The following NFATC4 variants were observed in gnomAD, a reference collection of about 807,000 sequenced individuals.
NFATC4 encodes nuclear factor of activated T-cells, cytoplasmic 4.
NFATC4 carries 25 observed loss-of-function variants against 73.4 expected under a neutral mutation model. That is an observed-to-expected ratio of 0.34 (90% confidence interval 0.25 to 0.48). The LOEUF (loss-of-function observed/expected upper bound fraction) is 0.48, where lower values mean the gene tolerates loss of function less well. Among genes scored for constraint, NFATC4 ranks in the 20% least tolerant of loss-of-function variants. The probability of loss-of-function intolerance (pLI) is 0.99; values close to 1 mark genes in which losing one functional copy is unlikely to be tolerated. For missense variants in NFATC4, 1,130 were observed against 1,203.7 expected (o/e 0.94, Z 0.91); for synonymous variants, 523 against 510.3 (o/e 1.02, Z -0.34).
chr14:24,367,097 A>T (rs775985909), upstream of NFATC4: 1 of 1,613,772 alleles, frequency 6.2e-7, no homozygotes, highest in East Asian at 2.2e-5. Context: ...CAGCCTCGCC[A>T]GTATCTCCCA....
chr14:24,367,424 C>T, upstream of NFATC4: 5 of 1,535,678 alleles, frequency 3.3e-6, no homozygotes, highest in Non-Finnish European at 4.4e-6. Flanking sequence ...ATTCACGGCC[C>T]CTCTGGGTGG....
chr14:24,368,505 G>A (rs961973262), intron 1 of NFATC4, 65 bp downstream of exon 1: 68 of 1,245,106 alleles, frequency 5.5e-5, no homozygotes, highest in Non-Finnish European at 6.9e-5. Flanking sequence ...CCTGAGTCTG[G>A]GGAATTTAAG....
Position 24,379,402 on chromosome 14 carries a change from G to A in NFATC4, c.*1697G>A, listed in dbSNP as rs919659646. 2.0e-5 allele frequency: 3 copies of A among 152,122 alleles called. No homozygotes were observed. Among genetic ancestry groups the A allele is most frequent in the African/African-American group, 7.2e-5 (3 of 41,388 alleles). 9.4% of individuals were successfully genotyped at this position (152,122 alleles called of 1,614,324 possible). ...ACCACCTCTAAGATCTCTGAGAGAG[G>A]GTGGATCAGCCTCTGTGTAAACAAA... On this transcript the variant is annotated 3_prime_UTR_variant, in exon 10 of 10. Coordinates refer to ENST00000250373, the MANE Select transcript of NFATC4 (RefSeq NM_004554.5).
At position 24,376,868 on chromosome 14, in the gene NFATC4, G is replaced by A. The variant is rs368665121; in HGVS notation, c.2631G>A (p.Thr877=). 6 of 1,564,902 alleles carry A rather than the reference G, an allele frequency of 3.8e-6. No homozygotes were observed. Among genetic ancestry groups the A allele is most frequent in the African/African-American group, 1.4e-5 (1 of 73,308 alleles). Residue 877 remains threonine (T), a synonymous_variant, in exon 9 of 10, where the codon ACG becomes ACA. Coordinates refer to ENST00000250373, the MANE Select transcript of NFATC4 (RefSeq NM_004554.5). The surrounding 1 kb of genome is among the most constrained non-coding windows in gnomAD (Gnocchi z 5.0). ...FRDSVPIQGI[T]LEEVSEIIGR... is the part of the protein sequence containing the mutation. ...ACAGTGTCCCTATCCAGGGTATCAC[G>A]CTGGAGGAAGGTGGGTGTGGGACTG... is the stretch of plus-strand genomic sequence containing the variant.
At chr14:24,369,356 T>C in intron 1 of NFATC4, 143 bp from the exon 2 acceptor site, 1 of 1,599,254 alleles carries the variant, frequency 6.3e-7, no homozygotes, top group Non-Finnish European at 8.5e-7. Context: ...CCAACTCTGC[T>C]TTTGTCTTGT....
chr14:24,372,280 A>C, intron 2 of NFATC4, 161 bp from the exon 3 acceptor site: 2 of 751,228 alleles, frequency 2.7e-6, no homozygotes, highest in South Asian at 2.2e-5. Context: ...GTTTAAAAAA[A>C]ATTCTTTTTT....
Position 24,368,385 on chromosome 14 carries a change from G to C in NFATC4, c.45G>C (p.Leu15=). 3 of 1,365,454 alleles carry C rather than the reference G, an allele frequency of 2.2e-6. No individual in the cohort carries two copies. Among genetic ancestry groups the C allele is most frequent in the Non-Finnish European group, 2.8e-6 (3 of 1,058,702 alleles). 84.6% of individuals were successfully genotyped at this position (1,365,454 alleles called of 1,614,324 possible). ...AGGATGAGGAGCTGGAATTTAAGCT[G>C]GTGTTCGGGGAGGAAAAGGAGGCCC... ...SCEDEELEFK[L]VFGEEKEAPP... The change falls in exon 1 of 10, where the codon CTG becomes CTC. Residue 15 remains leucine, a synonymous_variant. Transcript: ENST00000250373.
At chr14:24,375,382 G>C (rs1052052535) in intron 6 of NFATC4, among the ~76,000 whole-genome samples, 6 of 152,102 alleles carry the variant, frequency 3.9e-5, no homozygotes, top group Non-Finnish European at 7.4e-5. Flanking sequence ...GGGTGGGAGG[G>C]CTCAAGGGTT....
At chr14:24,366,937 T>C, upstream of NFATC4, 1 of 1,544,606 alleles carries the variant, frequency 6.5e-7, no homozygotes, top group East Asian at 2.3e-5. Flanking sequence ...GGGCCGTCGC[T>C]TAACCGTTTA....
intron 2 of NFATC4, among the ~76,000 whole-genome samples, chr14:24,370,892 G>A (rs2042458184): frequency 6.6e-6 from 1 of 152,154 alleles, no homozygotes; most frequent in Non-Finnish European, 1.5e-5. Flanking sequence ...TGTTCCTGTA[G>A]CCTATAGAGT....
At position 24,376,586 on chromosome 14, in the gene NFATC4, T is replaced by A. The variant is rs539706433; in HGVS notation, c.2349T>A (p.Leu783=). ...GCAQPPAVSF[L]PRPFPSDPYG... is the part of the protein sequence containing the mutation. ...CCCAACCACCTGCAGTTTCCTTCCT[T>A]CCCCGCCCCTTCCCTAGTGACCCGT... The change falls in exon 9 of 10, where the codon CTT becomes CTA. Residue 783 remains leucine, a synonymous_variant. Coordinates refer to ENST00000250373, the MANE Select transcript of NFATC4 (RefSeq NM_004554.5). This position sits in a 1 kb window ranked among gnomAD's most constrained non-coding sequence, Gnocchi z 5.0. 1 of 1,613,742 alleles carries A rather than the reference T, an allele frequency of 6.2e-7. No homozygotes were observed. The highest frequency in any genetic ancestry group is 1.3e-5 in the African/African-American group (1 of 74,944).
Position 24,369,781 on chromosome 14 carries a change from C to T in NFATC4, c.383C>T (p.Pro128Leu), listed in dbSNP as rs1350154364. The T allele has an allele frequency of 6.3e-7, 1 of 1,596,676 alleles. No individual in the cohort carries two copies. The highest frequency in any genetic ancestry group is 8.5e-7 in the Non-Finnish European group (1 of 1,171,638). ...ITSISPTPEP[P>L]AALEDNPDAW... ...TCCATCTCTCCCACGCCGGAGCCGC[C>T]AGCAGCGCTGGAGGACAACCCTGAT... is the stretch of plus-strand genomic sequence containing the variant. The change falls in exon 2 of 10, where the codon CCA becomes CTA. Residue 128 changes from proline (P) to leucine (L), a missense_variant. Pro to Leu is a moderately conservative substitution (Grantham distance 98, BLOSUM62 -3). This residue lies in a region of NFATC4 where 585 missense variants were observed against 574.3 expected (regional missense o/e 1.02). Coordinates refer to ENST00000250373, the MANE Select transcript of NFATC4 (RefSeq NM_004554.5).
rs909001459 is a variant in NFATC4 at position 24,368,406 on chromosome 14, G to A, written c.66G>A (p.Glu22=). 4 of 1,351,708 alleles carry A rather than the reference G, an allele frequency of 3.0e-6. No homozygotes were observed. Among genetic ancestry groups the A allele is most frequent in the Admixed American group, 4.0e-5 (1 of 25,034 alleles). 83.7% of individuals were successfully genotyped at this position (1,351,708 alleles called of 1,614,324 possible). A position where few individuals can be genotyped will look rare whatever the true frequency, so the allele number is the denominator to read the frequency against. The change falls in exon 1 of 10, where the codon GAG becomes GAA. Residue 22 remains glutamate (E), a synonymous_variant. Transcript: ENST00000250373. ...EFKLVFGEEK[E]APPLGAGGLG... is the part of the protein sequence containing the mutation. Reference sequence around the variant, plus strand: ...AGCTGGTGTTCGGGGAGGAAAAGGAGGCCCCCCCGCTGGGCGCGGGGGGAT... The same window carrying A: ...AGCTGGTGTTCGGGGAGGAAAAGGAAGCCCCCCCGCTGGGCGCGGGGGGAT...
At position 24,377,017 on chromosome 14, in the gene NFATC4, T is replaced by C; in HGVS notation, c.2641+139T>C. The C allele has an allele frequency of 7.2e-7, 1 of 1,394,502 alleles. No homozygotes were observed. The highest frequency in any genetic ancestry group is 9.3e-7 in the Non-Finnish European group (1 of 1,080,008). The allele number at this position is 1,394,502 out of a possible 1,614,324, so 86.4% of individuals were successfully genotyped here. On this transcript the variant is annotated intron_variant, in intron 9 of 9. Coordinates refer to ENST00000250373, the MANE Select transcript of NFATC4 (RefSeq NM_004554.5). The surrounding 1 kb of genome is among the most constrained non-coding windows in gnomAD (Gnocchi z 4.2). Reference sequence around the variant, plus strand: ...GCCAGTTGGAGGTTCCCAGGAGGCATGTTCTTGATGCCTGTGGCTGCCTGA... The same window carrying C: ...GCCAGTTGGAGGTTCCCAGGAGGCACGTTCTTGATGCCTGTGGCTGCCTGA...
chr14:24,375,732 GA>G lies in NFATC4; in HGVS notation c.1929+18del. On this transcript the variant is annotated intron_variant, in intron 7 of 9. Transcript: ENST00000250373. ...AGCAACGAGGTACCAGTGTCACTTGGATACCTCCTGGGGGGCGGGGGTGGGA... is the reference window on the plus strand; with the variant it reads ...AGCAACGAGGTACCAGTGTCACTTGGTACCTCCTGGGGGGCGGGGGTGGGA... The G allele has an allele frequency of 9.1e-7, 1 of 1,093,064 alleles. No homozygotes were observed. Among genetic ancestry groups the G allele is most frequent in the Non-Finnish European group, 1.3e-6 (1 of 741,182 alleles). The allele number at this position is 1,093,064 out of a possible 1,614,324, so 67.7% of individuals were successfully genotyped here. A position where few individuals can be genotyped will look rare whatever the true frequency, so the allele number is the denominator to read the frequency against.
intron 2 of NFATC4, 101 bp from the exon 3 acceptor site, chr14:24,372,340 C>T (rs2042495460): frequency 3.2e-6 from 4 of 1,254,758 alleles, no homozygotes; most frequent in Non-Finnish European, 4.4e-6. Context: ...TCTGTGCTTT[C>T]CTTTCTCTCA....
In NFATC4 at chr14:24,375,971, C is replaced by T. The variant is rs1339867749; in HGVS notation, c.1930-4C>T. 1 of 1,613,812 alleles carries T rather than the reference C, an allele frequency of 6.2e-7. No homozygotes were observed. Among genetic ancestry groups the T allele is most frequent in the Non-Finnish European group, 8.5e-7 (1 of 1,179,948 alleles). On this transcript the variant is annotated splice_polypyrimidine_tract_variant and splice_region_variant and intron_variant, in intron 7 of 9. Transcript: ENST00000250373. ...CTCCCTGCCTCATTTTTACTCTTCC[C>T]TAGGTGACGCTGACCCTGACTGTCC...
At chr14:24,367,649 C>A (rs757323542), upstream of NFATC4, 4 of 1,535,996 alleles carry the variant, frequency 2.6e-6, no homozygotes, top group Admixed American at 7.8e-5. Flanking sequence ...GCAGAGTAGC[C>A]CCAGGCAAGG....
Position 24,376,580 on chromosome 14 carries a change from C to T in NFATC4, c.2343C>T (p.Ser781=). 1 of 1,613,988 alleles carries T rather than the reference C, an allele frequency of 6.2e-7. No individual in the cohort carries two copies. Among genetic ancestry groups the T allele is most frequent in the Non-Finnish European group, 8.5e-7 (1 of 1,179,954 alleles). ...GTTGTGCCCAACCACCTGCAGTTTC[C>T]TTCCTTCCCCGCCCCTTCCCTAGTG... ...TTGCAQPPAV[S]FLPRPFPSDP... The change falls in exon 9 of 10, where the codon TCC becomes TCT. Residue 781 remains serine, a synonymous_variant. Coordinates refer to ENST00000250373, the MANE Select transcript of NFATC4 (RefSeq NM_004554.5). The surrounding 1 kb of genome is among the most constrained non-coding windows in gnomAD (Gnocchi z 5.0).
Sources: allele counts gnomAD v4.1 joint callset (sites outside exome capture counted in the v4.1 genomes callset), GRCh38; gene constraint gnomAD v4.1.1; regional missense constraint gnomAD v4.1.1; non-coding constraint Gnocchi (gnomAD v3.1); transcripts MANE v1.5; gene names NCBI Gene and HGNC (gene_info 2026-07-23, HGNC 2026-07-21).